Variants in GMDS observed in about 807,000 individuals in gnomAD.
GMDS encodes GDP-mannose 4,6 dehydratase.
Under a neutral mutation model 49.9 loss-of-function variants are expected in GMDS, and 20 were observed. That is an observed-to-expected ratio of 0.40 (90% CI 0.28 to 0.58). The LOEUF is 0.58. GMDS is among the 20% of genes least tolerant of loss of function. GMDS has a pLI of 0.42. For missense variants in GMDS, 362 were observed against 481.4 expected, an observed-to-expected ratio of 0.75 and a Z score of 2.32; for synonymous variants, 177 against 178.6, an observed-to-expected ratio of 0.99 and a Z score of 0.07.
rs931905598 is a variant in GMDS at position 1,842,246 on chromosome 6, C to T, written c.771+87857G>A. On this transcript the variant is annotated intron_variant, in intron 7 of 10. Coordinates refer to ENST00000380815, the MANE Select transcript of GMDS (RefSeq NM_001500.4). ...TCTGTAGTGGCTTTGCTGTAGTGGT[C>T]GTTACAGTCCCACCTTCTCCTTTCT... Among the ~76,000 whole-genome samples the T allele has an allele frequency of 2.6e-5, 4 of 152,194 alleles. No individual in the cohort carries two copies. The East Asian group carries it at 7.7e-4, about 29-fold the overall frequency.
intron 4 of GMDS, among the ~76,000 whole-genome samples, chr6:1,981,026 G>A (rs958031280): frequency 2.6e-5 from 4 of 152,012 alleles, no homozygotes; most frequent in South Asian, 4.2e-4. Context: ...ACAATCTCTG[G>A]GACACGGCTA....
chr6:1,751,485 G>GT (rs1475751290), intron 7 of GMDS, among the ~76,000 whole-genome samples: 1 of 152,158 alleles, frequency 6.6e-6, no homozygotes, highest in Non-Finnish European at 1.5e-5. Flanking sequence ...AGAGGGACCT[G>GT]TTTTTTCATT....
At chr6:1,917,030 GGACTGGCCTTTT>G (rs1323026697) in intron 7 of GMDS, among the ~76,000 whole-genome samples, 5 of 152,096 alleles carry the variant, frequency 3.3e-5, no homozygotes, top group African/African-American at 1.2e-4. Flanking sequence ...TAGGACACAG[GGACTGGCCTTTT>G]CACATGTGGC....
At chr6:2,003,989 A>G (rs746587513) in intron 4 of GMDS, among the ~76,000 whole-genome samples, 1 of 152,226 alleles carries the variant, frequency 6.6e-6, no homozygotes, top group Non-Finnish European at 1.5e-5. Flanking sequence ...TTCACATAGC[A>G]TCCTGAACTA....
At chr6:1,737,866 TACAC>T (rs1235172363) in intron 8 of GMDS, among the ~76,000 whole-genome samples, 2 of 111,594 alleles carry the variant, frequency 1.8e-5, no homozygotes, top group Admixed American at 2.0e-4. Context: ...TATGCACACA[TACAC>T]ACATACATAC....
intron 1 of GMDS, among the ~76,000 whole-genome samples, chr6:2,131,644 T>A (rs1372829941): frequency 6.6e-6 from 1 of 152,188 alleles, no homozygotes; most frequent in Non-Finnish European, 1.5e-5. Context: ...ACCCCCACTG[T>A]AAGTTAAAGA....
intron 7 of GMDS, among the ~76,000 whole-genome samples, chr6:1,861,618 CAAAAAAAAAAAAAAG>C (rs1758187071): frequency 9.3e-6 from 1 of 108,028 alleles, no homozygotes; most frequent in African/African-American, 3.4e-5. Flanking sequence ...CTCTTTCTCC[CAAAAAAAAAAAAAAG>C]AAAAAAAAAT....
chr6:1,881,577 T>C (rs542918739), intron 7 of GMDS, among the ~76,000 whole-genome samples: 6 of 152,322 alleles, frequency 3.9e-5, no homozygotes, highest in East Asian at 1.9e-4. Context: ...ATGTGTTCTA[T>C]TTTAAACTGC....
intron 7 of GMDS, among the ~76,000 whole-genome samples, chr6:1,841,646 T>C (rs1757156385): frequency 6.6e-6 from 1 of 152,216 alleles, no homozygotes; most frequent in Non-Finnish European, 1.5e-5. Flanking sequence ...TTTGCACATA[T>C]ATCCCTATTT....
At position 1,992,230 on chromosome 6, in the gene GMDS, C is replaced by T. The variant is rs113582825; in HGVS notation, c.346-31264G>A. On this transcript the variant is annotated intron_variant, in intron 4 of 10. Transcript: ENST00000380815. Reference sequence around the variant, plus strand: ...TGAGCTCCAGACTCACACTACACAACGAATTGGCCCTTAACTGGGCACTCT... The same window carrying T: ...TGAGCTCCAGACTCACACTACACAATGAATTGGCCCTTAACTGGGCACTCT... 3.7e-3 allele frequency among the ~76,000 whole-genome samples: 559 copies of T among 152,304 alleles called. 6 individuals carry two copies. Among genetic ancestry groups the T allele is most frequent in the African/African-American group, 0.013 (526 of 41,562 alleles).
intron 7 of GMDS, among the ~76,000 whole-genome samples, chr6:1,801,106 G>A (rs1292124170): frequency 6.6e-6 from 1 of 152,194 alleles, no homozygotes; most frequent in Non-Finnish European, 1.5e-5. Context: ...GGACCATGAG[G>A]ACCTGTGACT....
intron 9 of GMDS, among the ~76,000 whole-genome samples, chr6:1,694,367 GTAC>G (rs1423320465): frequency 1.3e-5 from 2 of 152,144 alleles, no homozygotes; most frequent in African/African-American, 4.8e-5. Flanking sequence ...CATGTACTGG[GTAC>G]TACTGTTGCT....
intron 1 of GMDS, among the ~76,000 whole-genome samples, chr6:2,149,873 A>G (rs1776761346): frequency 6.6e-6 from 1 of 152,128 alleles, no homozygotes; most frequent in South Asian, 2.1e-4. Flanking sequence ...CTAAGTCCCA[A>G]GGTTTTTTGC....
At chr6:1,989,821 A>G (rs929163293) in intron 4 of GMDS, among the ~76,000 whole-genome samples, 1 of 152,218 alleles carries the variant, frequency 6.6e-6, no homozygotes, top group Non-Finnish European at 1.5e-5. Context: ...AGCACATCCA[A>G]TGTGAGGGGC....
chr6:1,854,533 T>G (rs1301094233), intron 7 of GMDS, among the ~76,000 whole-genome samples: 2 of 152,244 alleles, frequency 1.3e-5, no homozygotes, highest in Non-Finnish European at 2.9e-5. Flanking sequence ...TGGAGACATC[T>G]GTGATTGTCA....
In GMDS at chr6:2,233,040, C is replaced by T. The variant is rs73716977; in HGVS notation, c.102+12281G>A. Among the ~76,000 whole-genome samples the T allele has an allele frequency of 9.1e-3, 1,391 of 152,258 alleles. 22 individuals are homozygous for T. Among genetic ancestry groups the T allele is most frequent in the African/African-American group, 0.031 (1,306 of 41,532 alleles). ...GATGAATGGGTATGGGCTCTCCTTC[C>T]GGAGTGATCAAAAAGTGTTCTGGAA... On this transcript the variant is annotated intron_variant, in intron 1 of 10. Transcript: ENST00000380815.
intron 4 of GMDS, among the ~76,000 whole-genome samples, chr6:2,036,344 T>C (rs1769304764): frequency 6.6e-6 from 1 of 152,202 alleles, no homozygotes; most frequent in Admixed American, 6.5e-5. Flanking sequence ...ATTATGAAGT[T>C]GTCTTTCATA....
rs115067598 is a variant in GMDS, at chr6:2,235,625, G to A, written c.102+9696C>T. ...GTTTGAAACCAGCCTGAGCAGCACG[G>A]CAAGACCCCATCTTAACAAAAAAAA... On this transcript the variant is annotated intron_variant, in intron 1 of 10. Transcript: ENST00000380815. Among the ~76,000 whole-genome samples, 920 of 150,224 alleles carry A rather than the reference G, an allele frequency of 6.1e-3. 3 individuals are homozygous for A. The highest frequency in any genetic ancestry group is 0.017 in the Middle Eastern group (5 of 294).
intron 4 of GMDS, among the ~76,000 whole-genome samples, chr6:1,978,136 G>A (rs147229667): frequency 1.3e-5 from 2 of 152,304 alleles, no homozygotes; most frequent in African/African-American, 4.8e-5. Flanking sequence ...TAACTCAGCT[G>A]TTCCAACCTG....
Sources: gnomAD v4.1 joint callset for allele counts (sites outside exome capture counted in the v4.1 genomes callset) on GRCh38, gnomAD v4.1.1 for gene constraint, MANE v1.5 for transcripts, NCBI Gene and HGNC (gene_info 2026-07-23, HGNC 2026-07-21) for gene names.